The following HS3ST5 variants were observed in gnomAD, a reference collection of about 807,000 sequenced individuals.
The protein encoded by HS3ST5 is heparan sulfate-glucosamine 3-sulfotransferase 5.
HS3ST5 carries 10 observed loss-of-function variants against 25.4 expected under a neutral mutation model. The observed-to-expected ratio is 0.39, with a 90% confidence interval of 0.24 to 0.67. HS3ST5 has a LOEUF of 0.67. HS3ST5 is among the 30% of genes least tolerant of loss of function. The pLI is 0.44. For missense variants in HS3ST5, 324 were observed against 420.7 expected (o/e 0.77, Z 2.01); for synonymous variants, 170 against 162.4 (o/e 1.05, Z -0.36).
At chr6:114,063,963 T>A (rs962652126) in intron 3 of HS3ST5, among the ~76,000 whole-genome samples, 8 of 152,336 alleles carry the variant, frequency 5.3e-5, no homozygotes, top group African/African-American at 1.7e-4. Flanking sequence ...ATACCTGAAA[T>A]AAGGCCAGCT....
chr6:114,184,440 TTAATTAAC>T (rs1429405461), intron 2 of HS3ST5, among the ~76,000 whole-genome samples: 1 of 152,110 alleles, frequency 6.6e-6, no homozygotes, highest in Non-Finnish European at 1.5e-5. Flanking sequence ...AACCATGGAC[TTAATTAAC>T]TACCCCAGCA....
intron 3 of HS3ST5, among the ~76,000 whole-genome samples, chr6:114,128,068 T>C (rs1777139001): frequency 6.6e-6 from 1 of 152,082 alleles, no homozygotes; most frequent in Admixed American, 6.6e-5. Flanking sequence ...ACGTGGATTT[T>C]CAGACTATAC....
intron 1 of HS3ST5, among the ~76,000 whole-genome samples, chr6:114,241,602 C>T (rs1372626310): frequency 6.6e-6 from 1 of 152,088 alleles, no homozygotes; most frequent in Non-Finnish European, 1.5e-5. Flanking sequence ...CAGGTAATAT[C>T]CCTTTGCTAT....
intron 1 of HS3ST5, among the ~76,000 whole-genome samples, chr6:114,303,809 TA>T (rs1238324854): frequency 8.5e-5 from 13 of 152,148 alleles, no homozygotes; most frequent in Admixed American, 7.2e-4. Flanking sequence ...TCTACAAAAT[TA>T]ATCTAGCAGC....
Position 114,142,449 on chromosome 6 carries a change from C to T in HS3ST5, c.-33+25902G>A, listed in dbSNP as rs145151481. On this transcript the variant is annotated intron_variant, in intron 3 of 4. Transcript: ENST00000312719. Reference sequence around the variant, plus strand: ...TGAATACGGTCACGTGGCAGGCTCACGAGTGAGTCATGGGAGGTAAGCGTG... The same window carrying T: ...TGAATACGGTCACGTGGCAGGCTCATGAGTGAGTCATGGGAGGTAAGCGTG... Among the ~76,000 whole-genome samples, 26 of 152,132 alleles carry T rather than the reference C, an allele frequency of 1.7e-4. No homozygotes were observed. The East Asian group carries it at 3.9e-3, about 23-fold the overall frequency.
At chr6:114,261,790 C>G (rs1354635968) in intron 1 of HS3ST5, among the ~76,000 whole-genome samples, 4 of 152,140 alleles carry the variant, frequency 2.6e-5, no homozygotes, top group Non-Finnish European at 5.9e-5. Flanking sequence ...CCTCCAGGCC[C>G]CATGTGCTTC....
chr6:114,237,210 C>A (rs1163561035), intron 1 of HS3ST5, among the ~76,000 whole-genome samples: 1 of 152,122 alleles, frequency 6.6e-6, no homozygotes, highest in Non-Finnish European at 1.5e-5. Flanking sequence ...TGTACAGCAT[C>A]ATTTCTCTAG....
At chr6:114,082,568 A>C (rs1447829848) in intron 3 of HS3ST5, among the ~76,000 whole-genome samples, 1 of 152,210 alleles carries the variant, frequency 6.6e-6, no homozygotes, top group Non-Finnish European at 1.5e-5. Context: ...TTAAAGAAAA[A>C]CAAAGCTAGA....
At chr6:114,171,764 A>G (rs1234206356) in intron 2 of HS3ST5, among the ~76,000 whole-genome samples, 1 of 152,140 alleles carries the variant, frequency 6.6e-6, no homozygotes, top group Non-Finnish European at 1.5e-5. Flanking sequence ...AGGGCTAGGA[A>G]GGCATTCTCA....
chr6:114,110,913 A>G (rs1299148624), intron 3 of HS3ST5, among the ~76,000 whole-genome samples: 1 of 152,236 alleles, frequency 6.6e-6, no homozygotes, highest in African/African-American at 2.4e-5. Flanking sequence ...CAAAAAGCAT[A>G]GGGCAATTTC....
At chr6:114,234,598 C>G (rs1466890500) in intron 1 of HS3ST5, among the ~76,000 whole-genome samples, 4 of 151,968 alleles carry the variant, frequency 2.6e-5, no homozygotes, top group African/African-American at 9.7e-5. Flanking sequence ...TTATTTTGCT[C>G]TTCTGTATAT....
intron 2 of HS3ST5, among the ~76,000 whole-genome samples, chr6:114,177,327 G>A (rs1204143260): frequency 1.3e-5 from 2 of 152,126 alleles, no homozygotes; most frequent in Non-Finnish European, 2.9e-5. Context: ...GTATATTTCA[G>A]ACTTAAACCT....
intron 3 of HS3ST5, among the ~76,000 whole-genome samples, chr6:114,125,935 C>T (rs1777016480): frequency 6.6e-6 from 1 of 152,128 alleles, no homozygotes; most frequent in South Asian, 2.1e-4. Context: ...TTACAGGGAA[C>T]TAGGAAACAA....
chr6:114,294,108 T>C (rs956111946), intron 1 of HS3ST5, among the ~76,000 whole-genome samples: 1 of 152,168 alleles, frequency 6.6e-6, no homozygotes, highest in Non-Finnish European at 1.5e-5. Context: ...GAGAAACACT[T>C]AAGGAGAAGC....
intron 3 of HS3ST5, among the ~76,000 whole-genome samples, chr6:114,161,915 A>G (rs1778993187): frequency 6.6e-6 from 1 of 151,998 alleles, no homozygotes; most frequent in African/African-American, 2.4e-5. Context: ...CATATTTGTG[A>G]AAATAATCAA....
intron 3 of HS3ST5, among the ~76,000 whole-genome samples, chr6:114,168,141 A>G (rs1468885073): frequency 1.3e-5 from 2 of 152,174 alleles, no homozygotes; most frequent in East Asian, 3.9e-4. Flanking sequence ...GAAGGTTTCT[A>G]TGTGGGCAAT....
intron 3 of HS3ST5, among the ~76,000 whole-genome samples, chr6:114,123,232 C>T (rs1161541938): frequency 6.6e-6 from 1 of 152,286 alleles, no homozygotes. Context: ...GGATTACAGG[C>T]GTGAGCCATC....
Position 114,121,988 on chromosome 6 carries a change from C to T in HS3ST5, c.-33+46363G>A, listed in dbSNP as rs1214616337. On this transcript the variant is annotated intron_variant, in intron 3 of 4. Transcript: ENST00000312719. ...CAGGCCCCACCTGGGTGCTAGATGC[C>T]AGGCGCTGCTACCTTCTATGCCCTT... 2.0e-5 allele frequency among the ~76,000 whole-genome samples: 3 copies of T among 152,182 alleles called. No individual in the cohort carries two copies. In the East Asian group the frequency reaches 5.8e-4, roughly 29 times the overall value.
At chr6:114,231,402 A>T (rs1771583458) in intron 1 of HS3ST5, 2 of 152,396 alleles carry the variant, frequency 1.3e-5, no homozygotes, top group African/African-American at 4.8e-5. Context: ...AGCAGATGCC[A>T]GCACCATGCT....
Sources: gnomAD v4.1 joint callset for allele counts (sites outside exome capture counted in the v4.1 genomes callset) on GRCh38, gnomAD v4.1.1 for gene constraint, MANE v1.5 for transcripts, NCBI Gene and HGNC (gene_info 2026-07-23, HGNC 2026-07-21) for gene names.